Variants in GPHN observed in about 807,000 individuals in gnomAD.
The protein encoded by GPHN is gephyrin.
GPHN carries 17 observed loss-of-function variants against 95.5 expected under a neutral mutation model. The ratio of observed to expected loss-of-function variants is 0.18; its 90% CI spans 0.12 to 0.27. The LOEUF is 0.27. Ranked by LOEUF, GPHN falls within the 10% of genes least tolerant of loss-of-function variation. The pLI is 1.00. For synonymous variants in GPHN, 320 were observed against 322.5 expected (o/e 0.99, Z 0.08); for missense variants, 660 against 978.1 (o/e 0.67, Z 4.34).
At chr14:66,749,198 T>G (rs1352334041) in intron 2 of GPHN, among the ~76,000 whole-genome samples, 1 of 152,000 alleles carries the variant, frequency 6.6e-6, no homozygotes, top group African/African-American at 2.4e-5. Flanking sequence ...TTATTTCTTT[T>G]TACCATTGAG....
At chr14:67,504,265 C>G in the GPHN span, among the ~76,000 whole-genome samples, 1 of 152,162 alleles carries the variant, frequency 6.6e-6, no homozygotes, top group African/African-American at 2.4e-5. Flanking sequence ...GCGCTTACCT[C>G]AGCCTCCCAA....
At chr14:67,629,097 G>C in the GPHN span, among the ~76,000 whole-genome samples, 2 of 152,218 alleles carry the variant, frequency 1.3e-5, no homozygotes, top group Admixed American at 1.3e-4. Flanking sequence ...ACTTTGGGAG[G>C]CTGAAGCAGG....
intron 3 of GPHN, among the ~76,000 whole-genome samples, chr14:66,779,376 AG>A (rs1322173542): frequency 2.0e-5 from 3 of 152,196 alleles, no homozygotes; most frequent in Non-Finnish European, 4.4e-5. Context: ...ATGTTGTTAA[AG>A]GGTTGGAAAA....
chr14:67,281,994 A>G, the GPHN span, among the ~76,000 whole-genome samples: 3 of 152,162 alleles, frequency 2.0e-5, no homozygotes, highest in African/African-American at 4.8e-5. Context: ...TTGAAATGTC[A>G]TAACAGGTAT....
chr14:67,606,998 C>A, the GPHN span, among the ~76,000 whole-genome samples: 1 of 152,150 alleles, frequency 6.6e-6, no homozygotes, highest in Non-Finnish European at 1.5e-5. Flanking sequence ...AGAGGTAAAC[C>A]AGCAGCAGTG....
At chr14:67,391,271 A>ATGTGTGTGTGTGTGTGTGTG in the GPHN span, among the ~76,000 whole-genome samples, 1 of 143,800 alleles carries the variant, frequency 7.0e-6, no homozygotes, top group African/African-American at 2.6e-5. Flanking sequence ...AGCAGCTGAT[A>ATGTGTGTGTGTGTGTGTGTG]TGTGTGTGTG....
At chr14:66,549,783 GT>G (rs1245651357) in intron 1 of GPHN, among the ~76,000 whole-genome samples, 4 of 152,172 alleles carry the variant, frequency 2.6e-5, no homozygotes, top group Non-Finnish European at 5.9e-5. Flanking sequence ...GTGACTTTAA[GT>G]TGAAGCCAGT....
At chr14:67,393,330 G>T in the GPHN span, 1 of 866,960 alleles carries the variant, frequency 1.2e-6, no homozygotes. Flanking sequence ...AGGGTATAAA[G>T]CAAGTGGCAA....
intron 3 of GPHN, among the ~76,000 whole-genome samples, chr14:66,807,154 G>A (rs72728664): frequency 6.6e-6 from 1 of 152,202 alleles, no homozygotes; most frequent in African/African-American, 2.4e-5. Context: ...GAGAGAGTTT[G>A]TGCAGGGAAG....
intron 1 of GPHN, among the ~76,000 whole-genome samples, chr14:66,673,554 C>T (rs2153386177): frequency 6.6e-6 from 1 of 152,276 alleles, no homozygotes; most frequent in Non-Finnish European, 1.5e-5. Flanking sequence ...TAAAAGCATG[C>T]AGAAGAATAC....
the GPHN span, among the ~76,000 whole-genome samples, chr14:67,406,759 C>A: frequency 6.6e-6 from 1 of 152,154 alleles, no homozygotes; most frequent in Non-Finnish European, 1.5e-5. Context: ...AAAGCACCAC[C>A]GGTTCTGCTC....
At chr14:67,555,307 C>G in the GPHN span, among the ~76,000 whole-genome samples, 1 of 152,222 alleles carries the variant, frequency 6.6e-6, no homozygotes, top group African/African-American at 2.4e-5. Flanking sequence ...GGTGATAGCC[C>G]TGAAGCCCTT....
the GPHN span, chr14:67,616,766 T>C: frequency 6.6e-6 from 1 of 152,082 alleles, no homozygotes; most frequent in Non-Finnish European, 1.5e-5. Flanking sequence ...AACTTACTTA[T>C]GTTCATATAC....
rs527810939 is a variant in GPHN, at chr14:67,011,082, T to C, written c.964-12551T>C. Among the ~76,000 whole-genome samples, 80 of 152,282 alleles carry C rather than the reference T, an allele frequency of 5.3e-4. 1 individual carries two copies. Among genetic ancestry groups the C allele is most frequent in the Middle Eastern group, 3.4e-3 (1 of 294 alleles). On this transcript the variant is annotated intron_variant, in intron 9 of 22. Coordinates refer to ENST00000478722, the MANE Select transcript of GPHN (RefSeq NM_020806.5). ...TTCTTTTTTTTATAGTTCCCATTAT[T>C]TAATGAAATGTTTCAAATGTTATAT... is the stretch of plus-strand genomic sequence containing the variant.
intron 10 of GPHN, among the ~76,000 whole-genome samples, chr14:67,051,692 A>G (rs2075312324): frequency 6.6e-6 from 1 of 152,176 alleles, no homozygotes; most frequent in South Asian, 2.1e-4. Context: ...AAGGGAAAGT[A>G]TTAAGGGCAG....
At chr14:67,473,904 A>C in the GPHN span, 1 of 1,606,278 alleles carries the variant, frequency 6.2e-7, no homozygotes, top group Non-Finnish European at 8.5e-7. This position sits in a 1 kb window ranked among gnomAD's most constrained non-coding sequence, Gnocchi z 6.5. Context: ...CAGCGCCGTC[A>C]GGGGCTCGGC....
At chr14:67,224,910 T>A in the GPHN span, 1 of 437,280 alleles carries the variant, frequency 2.3e-6, no homozygotes, top group Admixed American at 4.3e-5. Context: ...GGGAACCTGC[T>A]TGTGAAATTC....
At chr14:66,540,276 A>G (rs1189015310) in intron 1 of GPHN, among the ~76,000 whole-genome samples, 1 of 152,124 alleles carries the variant, frequency 6.6e-6, no homozygotes, top group African/African-American at 2.4e-5. Flanking sequence ...TGGCTCTTAA[A>G]ACTTCTGCTT....
the GPHN span, among the ~76,000 whole-genome samples, chr14:67,655,410 G>A: frequency 6.6e-6 from 1 of 152,180 alleles, no homozygotes; most frequent in South Asian, 2.1e-4. Context: ...GGCTCTCAGA[G>A]TGACAGCAGA....
Sources: gnomAD v4.1 joint callset for allele counts (sites outside exome capture counted in the v4.1 genomes callset) on GRCh38, gnomAD v4.1.1 for gene constraint, Gnocchi (gnomAD v3.1) non-coding constraint, MANE v1.5 for transcripts, NCBI Gene and HGNC (gene_info 2026-07-23, HGNC 2026-07-21) for gene names.